Variants in DOCK4 observed in about 807,000 individuals in gnomAD.
The protein encoded by DOCK4 is dedicator of cytokinesis protein 4.
Under a neutral mutation model 268.1 loss-of-function variants are expected in DOCK4, and 97 were observed. The ratio of observed to expected loss-of-function variants is 0.36; its 90% CI spans 0.31 to 0.43. The LOEUF (loss-of-function observed/expected upper bound fraction) is 0.43. Among genes scored for constraint, DOCK4 ranks in the 20% least tolerant of loss-of-function variants. The pLI is 1.00. For synonymous variants in DOCK4, 954 were observed against 887.2 expected, an observed-to-expected ratio of 1.08 and a Z score of -1.34; for missense variants, 2,145 against 2,455.7, an observed-to-expected ratio of 0.87 and a Z score of 2.67.
intron 8 of DOCK4, among the ~76,000 whole-genome samples, chr7:111,950,012 C>T (rs1033082066): frequency 1.3e-5 from 2 of 152,176 alleles, no homozygotes; most frequent in African/African-American, 2.4e-5. Context: ...CTGCAACCTC[C>T]GCCTCCCAGG....
intron 42 of DOCK4, among the ~76,000 whole-genome samples, chr7:111,751,214 A>G (rs1367713819): frequency 6.6e-6 from 1 of 152,204 alleles, no homozygotes; most frequent in African/African-American, 2.4e-5. Context: ...TTTACAAGGA[A>G]TACAGGTGAC....
intron 23 of DOCK4, among the ~76,000 whole-genome samples, chr7:111,854,002 C>G (rs911999430): frequency 3.3e-5 from 5 of 151,516 alleles, no homozygotes; most frequent in African/African-American, 1.2e-4. Flanking sequence ...GGCATGATCT[C>G]GGCTCACTGC....
intron 35 of DOCK4, among the ~76,000 whole-genome samples, chr7:111,781,887 G>T (rs916453584): frequency 1.3e-5 from 2 of 152,138 alleles, no homozygotes; most frequent in African/African-American, 4.8e-5. Context: ...CAAGGTGCAA[G>T]CAAATAGAGA....
chr7:111,762,431 A>G (rs1038329983), intron 39 of DOCK4, among the ~76,000 whole-genome samples: 3 of 152,156 alleles, frequency 2.0e-5, no homozygotes, highest in East Asian at 3.9e-4. Flanking sequence ...GGATTTGCCT[A>G]TTATGGAATT....
At chr7:111,963,423 T>C (rs1280751153) in intron 8 of DOCK4, among the ~76,000 whole-genome samples, 1 of 123,002 alleles carries the variant, frequency 8.1e-6, no homozygotes, top group Non-Finnish European at 1.6e-5. Flanking sequence ...GAGTTCCCTT[T>C]CTGAGTCAAA....
chr7:112,058,024 A>ATTTTTTTTTT lies in DOCK4; in HGVS notation c.38-53903_38-53894dup, dbSNP rs67991598. ...TACACATTTTGGAAGTACAGGTTCA[A>ATTTTTTTTTT]TTTTTTTTTTTTTTTTTTTTTTTTT... On this transcript the variant is annotated intron_variant, in intron 1 of 52. Coordinates refer to ENST00000428084, the MANE Select transcript of DOCK4 (RefSeq NM_001363540.2). Among the ~76,000 whole-genome samples the ATTTTTTTTTT allele has an allele frequency of 8.7e-5, 10 of 115,052 alleles. 1 individual carries two copies. Among genetic ancestry groups the ATTTTTTTTTT allele is most frequent in the African/African-American group, 3.2e-4 (10 of 31,292 alleles). 75.5% of individuals were successfully genotyped at this position (115,052 alleles called of 152,430 possible). A position where few individuals can be genotyped will look rare whatever the true frequency, so the allele number is the denominator to read the frequency against.
chr7:111,951,952 A>G (rs1263172264), intron 8 of DOCK4, among the ~76,000 whole-genome samples: 1 of 152,012 alleles, frequency 6.6e-6, no homozygotes, highest in East Asian at 1.9e-4. Flanking sequence ...TTCTTAATAA[A>G]ATTAAAACAT....
intron 30 of DOCK4, among the ~76,000 whole-genome samples, chr7:111,796,842 G>C (rs1799929709): frequency 6.6e-6 from 1 of 152,112 alleles, no homozygotes; most frequent in Non-Finnish European, 1.5e-5. Flanking sequence ...AGGTTGCGTG[G>C]GTAAGCGTGG....
At chr7:112,110,947 A>G (rs1177106560) in intron 1 of DOCK4, among the ~76,000 whole-genome samples, 1 of 152,168 alleles carries the variant, frequency 6.6e-6, no homozygotes, top group African/African-American at 2.4e-5. Context: ...TACCTCAGCA[A>G]AAAGAATCCC....
rs555695467 is a variant in DOCK4, at chr7:111,901,537, G to A, written c.1317+140C>T. 3.6e-6 allele frequency: 3 copies of A among 843,524 alleles called. No homozygotes were observed. In the African/African-American group the frequency reaches 5.2e-5, roughly 15 times the overall value. 52.3% of individuals were successfully genotyped at this position (843,524 alleles called of 1,614,324 possible). A position where few individuals can be genotyped will look rare whatever the true frequency, so the allele number is the denominator to read the frequency against. The stretch of plus-strand genomic sequence containing the variant: ...AAAAGAAAGAAAACTACACAGGGGT[G>A]AAGGAGAAAAATAAGATAGAAAATA... On this transcript the variant is annotated intron_variant, in intron 14 of 52. Transcript: ENST00000428084.
At chr7:112,019,538 T>A (rs1325343366) in intron 1 of DOCK4, among the ~76,000 whole-genome samples, 1 of 152,126 alleles carries the variant, frequency 6.6e-6, no homozygotes, top group Non-Finnish European at 1.5e-5. Context: ...AAATGAATAA[T>A]TCAGCTATTT....
At position 111,811,525 on chromosome 7, in the gene DOCK4, A is replaced by G. The variant is rs1801130760; in HGVS notation, c.3006+349T>C. Among the ~76,000 whole-genome samples, 4 of 152,314 alleles carry G rather than the reference A, an allele frequency of 2.6e-5. No individual in the cohort carries two copies. In the South Asian group the frequency reaches 8.3e-4, roughly 32 times the overall value. On this transcript the variant is annotated intron_variant, in intron 28 of 52. Transcript: ENST00000428084. Reference sequence around the variant, plus strand: ...TTCTAAAAAATGGGAAGACAAAGAAATAAGAAACTAAAGGGTTTACTTTGT... The same window carrying G: ...TTCTAAAAAATGGGAAGACAAAGAAGTAAGAAACTAAAGGGTTTACTTTGT...
intron 1 of DOCK4, among the ~76,000 whole-genome samples, chr7:112,199,551 T>C (rs1820739149): frequency 6.6e-6 from 1 of 152,200 alleles, no homozygotes; most frequent in South Asian, 2.1e-4. Flanking sequence ...TTTAAGTTGC[T>C]TAAATGAAGC....
In DOCK4 at chr7:111,977,121, C is replaced by T. The variant is rs771852527; in HGVS notation, c.701+11G>A. On this transcript the variant is annotated intron_variant, in intron 8 of 52. Coordinates refer to ENST00000428084, the MANE Select transcript of DOCK4 (RefSeq NM_001363540.2). ...TTAAGACATTGAAACCCTATCTCCA[C>T]GTGCAGGTACCTGATTGGCCGGTTC... The T allele has an allele frequency of 2.7e-5, 44 of 1,612,776 alleles. No individual in the cohort carries two copies. Among genetic ancestry groups the T allele is most frequent in the South Asian group, 7.7e-5 (7 of 90,726 alleles).
intron 1 of DOCK4, among the ~76,000 whole-genome samples, chr7:112,011,508 A>C (rs1434925844): frequency 1.3e-5 from 2 of 152,184 alleles, no homozygotes; most frequent in East Asian, 3.9e-4. Context: ...TCTATGACAC[A>C]GACATTTCAA....
intron 1 of DOCK4, among the ~76,000 whole-genome samples, chr7:112,090,631 G>C (rs1054300035): frequency 1.3e-5 from 2 of 152,116 alleles, no homozygotes; most frequent in African/African-American, 4.8e-5. Context: ...AAATATACAA[G>C]CTCATTTTTG....
intron 26 of DOCK4, among the ~76,000 whole-genome samples, chr7:111,830,360 A>G (rs1802727100): frequency 6.6e-6 from 1 of 152,166 alleles, no homozygotes; most frequent in African/African-American, 2.4e-5. Context: ...TGGGTGACGG[A>G]GGTTGCAGTG....
intron 12 of DOCK4, among the ~76,000 whole-genome samples, chr7:111,923,904 T>A (rs540357840): frequency 3.3e-5 from 5 of 152,382 alleles, no homozygotes; most frequent in African/African-American, 9.6e-5. Context: ...AGTCCACTGA[T>A]TTCTTATTTT....
At position 111,805,489 on chromosome 7, in the gene DOCK4, G is replaced by A. The variant is rs528061154; in HGVS notation, c.3166+3332C>T. Among the ~76,000 whole-genome samples the A allele has an allele frequency of 1.6e-4, 24 of 151,804 alleles. No homozygotes were observed. In the South Asian group the frequency reaches 4.6e-3, roughly 29 times the overall value. ...ATATTTCAAGCACACACAACTAAAT[G>A]TCTGTTAGATGATTTATGGTTAAAA... On this transcript the variant is annotated intron_variant, in intron 30 of 52. Coordinates refer to ENST00000428084, the MANE Select transcript of DOCK4 (RefSeq NM_001363540.2).
Sources: gnomAD v4.1 joint callset for allele counts (sites outside exome capture counted in the v4.1 genomes callset) on GRCh38, gnomAD v4.1.1 for gene constraint, MANE v1.5 for transcripts, NCBI Gene and HGNC (gene_info 2026-07-23, HGNC 2026-07-21) for gene names.